The following ZNF385D variants were observed in gnomAD, a reference collection of about 807,000 sequenced individuals.
The protein encoded by ZNF385D is zinc finger protein 659.
Under a neutral mutation model 35.8 loss-of-function variants are expected in ZNF385D, and 15 were observed. The observed-to-expected ratio is 0.42, with a 90% CI of 0.28 to 0.64. The LOEUF (loss-of-function observed/expected upper bound fraction) is 0.64, where lower values mean the gene tolerates loss of function less well. Ranked by LOEUF, ZNF385D falls within the 30% of genes least tolerant of loss-of-function variation. The probability of loss-of-function intolerance (pLI) is 0.23; values close to 1 mark genes in which losing one functional copy is unlikely to be tolerated. For synonymous variants in ZNF385D, 212 were observed against 186.8 expected, an observed-to-expected ratio of 1.13 and a Z score of -1.10; for missense variants, 474 against 494.6, an observed-to-expected ratio of 0.96 and a Z score of 0.39.
Position 22,343,448 on chromosome 3 carries a change from T to A in ZNF385D, c.106+29002A>T, listed in dbSNP as rs1217884331. 4.4e-4 allele frequency among the ~76,000 whole-genome samples: 67 copies of A among 152,226 alleles called. 1 individual carries two copies. Among genetic ancestry groups the A allele is most frequent in the Non-Finnish European group, 1.0e-4 (7 of 68,040 alleles). ...ACTGAGGACTTTGGAACTGGAGGGATACACAGGAACAACTATGCAACAACT... is the reference window on the plus strand; with the variant it reads ...ACTGAGGACTTTGGAACTGGAGGGAAACACAGGAACAACTATGCAACAACT... On this transcript the variant is annotated intron_variant, in intron 2 of 5. Transcript: ENST00000494108.
chr3:21,843,948 C>T (rs1000143003), intron 3 of ZNF385D, among the ~76,000 whole-genome samples: 3 of 151,866 alleles, frequency 2.0e-5, no homozygotes, highest in Admixed American at 2.0e-4. Context: ...ACAAAAGGAA[C>T]TCTAGTAGGG....
chr3:22,254,564 A>AC (rs1380915901), intron 2 of ZNF385D, among the ~76,000 whole-genome samples: 5 of 151,756 alleles, frequency 3.3e-5, no homozygotes, highest in African/African-American at 1.2e-4. Context: ...TTACAGTAGT[A>AC]CCCCCTTATC....
intron 2 of ZNF385D, among the ~76,000 whole-genome samples, chr3:21,564,966 CCTT>C (rs1559411109): frequency 6.6e-6 from 1 of 152,060 alleles, no homozygotes; most frequent in Admixed American, 6.6e-5. Context: ...GTTTAATAAC[CCTT>C]AAATATAATT....
chr3:21,840,299 T>A (rs116757691), intron 3 of ZNF385D, among the ~76,000 whole-genome samples: 195 of 152,150 alleles, frequency 1.3e-3, no homozygotes, highest in South Asian at 4.4e-3. Context: ...AATTCAGACT[T>A]CAAAGACCTA....
At chr3:21,714,901 A>C (rs2068252004) in intron 1 of ZNF385D, among the ~76,000 whole-genome samples, 1 of 152,188 alleles carries the variant, frequency 6.6e-6, no homozygotes, top group Non-Finnish European at 1.5e-5. Context: ...GGTTACTAAA[A>C]TGTAACAGAT....
At chr3:21,710,327 A>G (rs981109264) in intron 1 of ZNF385D, among the ~76,000 whole-genome samples, 1 of 152,192 alleles carries the variant, frequency 6.6e-6, no homozygotes, top group African/African-American at 2.4e-5. Flanking sequence ...TTTTTTAGTA[A>G]ATTGGCTCTG....
At chr3:21,739,016 C>A (rs1290434348) in intron 1 of ZNF385D, among the ~76,000 whole-genome samples, 1 of 152,218 alleles carries the variant, frequency 6.6e-6, no homozygotes, top group Non-Finnish European at 1.5e-5. Context: ...GTGCACTTTG[C>A]TTCCCAACTA....
intron 3 of ZNF385D, among the ~76,000 whole-genome samples, chr3:21,562,707 AGAG>A (rs2125641566): frequency 6.6e-6 from 1 of 152,346 alleles, no homozygotes; most frequent in Admixed American, 6.5e-5. Context: ...GTTTAGGAAA[AGAG>A]GAACTAAAAA....
intron 1 of ZNF385D, among the ~76,000 whole-genome samples, chr3:21,714,501 A>G (rs11712782): frequency 0.043 from 6,592 of 152,182 alleles, 229 homozygotes; most frequent in East Asian, 0.14. Context: ...CCCACTTTTT[A>G]TGGATGAACA....
chr3:21,484,526 A>G (rs966970501), intron 4 of ZNF385D, among the ~76,000 whole-genome samples: 2 of 152,168 alleles, frequency 1.3e-5, no homozygotes, highest in Non-Finnish European at 2.9e-5. Flanking sequence ...AAAGGTTAAC[A>G]TCATGCCAGC....
intron 3 of ZNF385D, among the ~76,000 whole-genome samples, chr3:22,159,486 G>A (rs188565350): frequency 1.3e-5 from 2 of 151,982 alleles, no homozygotes; most frequent in Non-Finnish European, 1.5e-5. Flanking sequence ...CCTCATCATT[G>A]TCCTAGTACA....
chr3:21,741,330 A>T (rs1196956652), intron 1 of ZNF385D, among the ~76,000 whole-genome samples: 1 of 152,340 alleles, frequency 6.6e-6, no homozygotes, highest in Non-Finnish European at 1.5e-5. Context: ...AAGGAAAAAA[A>T]TTAATCAATC....
chr3:22,158,955 T>A (rs551627440), intron 3 of ZNF385D, among the ~76,000 whole-genome samples: 5 of 151,366 alleles, frequency 3.3e-5, no homozygotes, highest in African/African-American at 1.2e-4. Context: ...AAACAAAAGT[T>A]AAAAAGCTTA....
At chr3:21,529,068 T>TTG (rs1559375980) in intron 3 of ZNF385D, among the ~76,000 whole-genome samples, 2 of 151,860 alleles carry the variant, frequency 1.3e-5, no homozygotes, top group Non-Finnish European at 2.9e-5. Context: ...TCCATTTTTT[T>TTG]TGTGTGTGTG....
intron 3 of ZNF385D, among the ~76,000 whole-genome samples, chr3:22,016,218 G>C (rs1387222906): frequency 1.3e-5 from 2 of 151,586 alleles, no homozygotes; most frequent in African/African-American, 2.4e-5. Flanking sequence ...AGATGTTTTT[G>C]CTGTCACAGC....
Position 21,421,029 on chromosome 3 carries a change from A to G in ZNF385D, c.*185T>C, listed in dbSNP as rs1337274086. ...AGGAATGCTTTAATTTGGAGAAAAT[A>G]CCACTCCCTCCCTCCCACCCCCAAA... is the stretch of plus-strand genomic sequence containing the variant. On this transcript the variant is annotated 3_prime_UTR_variant, in exon 8 of 8. Transcript: ENST00000281523. The G allele has an allele frequency of 2.8e-6, 1 of 352,302 alleles. No individual in the cohort carries two copies. The highest frequency in any genetic ancestry group is 5.4e-6 in the Non-Finnish European group (1 of 184,788). 21.8% of individuals were successfully genotyped at this position (352,302 alleles called of 1,614,324 possible). A position where few individuals can be genotyped will look rare whatever the true frequency, so the allele number is the denominator to read the frequency against.
Position 21,693,793 on chromosome 3 carries a change from A to G in ZNF385D, c.23-28765T>C, listed in dbSNP as rs114411276. Among the ~76,000 whole-genome samples the G allele has an allele frequency of 9.7e-3, 1,478 of 152,130 alleles. 22 individuals carry two copies. Among genetic ancestry groups the G allele is most frequent in the African/African-American group, 0.033 (1,389 of 41,532 alleles). ...GAATTTAAAAAATAAAAAATGATGT[A>G]TCATTTAGCCAGAGAAGAGAGTCAA... On this transcript the variant is annotated intron_variant, in intron 1 of 7. Coordinates refer to ENST00000281523, the MANE Select transcript of ZNF385D (RefSeq NM_024697.3).
intron 2 of ZNF385D, among the ~76,000 whole-genome samples, chr3:21,587,082 T>C (rs1381664063): frequency 6.6e-6 from 1 of 152,052 alleles, no homozygotes; most frequent in Non-Finnish European, 1.5e-5. Flanking sequence ...GAATGGAGAA[T>C]AGTATATCTG....
intron 2 of ZNF385D, among the ~76,000 whole-genome samples, chr3:22,320,860 AT>A (rs1694377288): frequency 6.6e-6 from 1 of 151,822 alleles, no homozygotes; most frequent in Non-Finnish European, 1.5e-5. Flanking sequence ...ATTAACTTAT[AT>A]TTTTATGACA....
Sources: gnomAD v4.1 joint callset for allele counts (sites outside exome capture counted in the v4.1 genomes callset) on GRCh38, gnomAD v4.1.1 for gene constraint, MANE v1.5 for transcripts, NCBI Gene and HGNC (gene_info 2026-07-23, HGNC 2026-07-21) for gene names.